Variants in LRFN2 observed in about 807,000 individuals in gnomAD.
The protein encoded by LRFN2 is leucine rich repeat and fibronectin type III domain containing 2, also known as leucine-rich repeat and fibronectin type-III domain-containing protein 2.
LRFN2 carries 18 observed loss-of-function variants against 37.3 expected under a neutral mutation model. That is an observed-to-expected ratio of 0.48 (90% CI 0.33 to 0.72). The LOEUF is 0.72. Ranked by LOEUF, LRFN2 falls within the 30% of genes least tolerant of loss-of-function variation. LRFN2 has a pLI of 0.02. For missense variants in LRFN2, 1,006 were observed against 1,060.7 expected (o/e 0.95, Z 0.72); for synonymous variants, 556 against 466.6 (o/e 1.19, Z -2.47).
chr6:40,520,667 T>G (rs1035601068), intron 1 of LRFN2, among the ~76,000 whole-genome samples: 3 of 152,050 alleles, frequency 2.0e-5, no homozygotes, highest in Middle Eastern at 3.4e-3. Context: ...GCTGACACAG[T>G]GGTGCCAGCA....
chr6:40,405,523 T>C (rs929373288), intron 2 of LRFN2, among the ~76,000 whole-genome samples: 1 of 152,130 alleles, frequency 6.6e-6, no homozygotes, highest in African/African-American at 2.4e-5. Flanking sequence ...TGAGGGTCTG[T>C]TACATAAAGG....
At chr6:40,507,115 G>A (rs1765565130) in intron 1 of LRFN2, among the ~76,000 whole-genome samples, 1 of 152,338 alleles carries the variant, frequency 6.6e-6, no homozygotes, top group East Asian at 1.9e-4. Context: ...GCCCTTGGAT[G>A]TGGAGTCAGG....
At chr6:40,516,152 A>G (rs1765865733) in intron 1 of LRFN2, among the ~76,000 whole-genome samples, 1 of 152,094 alleles carries the variant, frequency 6.6e-6, no homozygotes, top group South Asian at 2.1e-4. Context: ...CTCTGGTCTC[A>G]GAGCCTGCTT....
At chr6:40,544,446 T>G (rs1490859770) in intron 1 of LRFN2, among the ~76,000 whole-genome samples, 2 of 152,232 alleles carry the variant, frequency 1.3e-5, no homozygotes, top group African/African-American at 4.8e-5. Context: ...TCAGTGGATT[T>G]GAGTAAACAG....
intron 1 of LRFN2, among the ~76,000 whole-genome samples, chr6:40,478,301 A>C (rs116050635): frequency 1.4e-4 from 21 of 152,298 alleles, no homozygotes; most frequent in African/African-American, 4.6e-4. Context: ...CCATTTTACA[A>C]ATTACAAATA....
intron 1 of LRFN2, among the ~76,000 whole-genome samples, chr6:40,519,043 T>G (rs1447728720): frequency 6.6e-6 from 1 of 152,110 alleles, no homozygotes; most frequent in Non-Finnish European, 1.5e-5. Flanking sequence ...CCAGGGGTGC[T>G]AACCATAGGA....
chr6:40,586,236 A>T (rs969151672), intron 1 of LRFN2, among the ~76,000 whole-genome samples: 1 of 152,104 alleles, frequency 6.6e-6, no homozygotes, highest in African/African-American at 2.4e-5. Flanking sequence ...GCCCAGGCCA[A>T]CCTTAGAACC....
intron 1 of LRFN2, among the ~76,000 whole-genome samples, chr6:40,435,048 TATATAGAGAGAGAGAGAGAG>T (rs1316441214): frequency 1.5e-4 from 11 of 71,160 alleles, no homozygotes; most frequent in African/African-American, 6.1e-4. Flanking sequence ...TATATATATA[TATATAGAGAGAGAGAGAGAG>T]AGAGAGAGAG....
At chr6:40,535,337 G>A (rs907803010) in intron 1 of LRFN2, among the ~76,000 whole-genome samples, 1 of 152,210 alleles carries the variant, frequency 6.6e-6, no homozygotes, top group Non-Finnish European at 1.5e-5. Flanking sequence ...CTCATCCTGA[G>A]TTAGGCAGGC....
chr6:40,458,508 G>T (rs975771923), intron 1 of LRFN2, among the ~76,000 whole-genome samples: 1 of 152,184 alleles, frequency 6.6e-6, no homozygotes, highest in African/African-American at 2.4e-5. Context: ...ATGTTGACGG[G>T]TGATAGTCCA....
intron 1 of LRFN2, among the ~76,000 whole-genome samples, chr6:40,562,824 C>T (rs888927913): frequency 1.3e-4 from 19 of 141,326 alleles, no homozygotes; most frequent in African/African-American, 3.3e-4. Context: ...TGCTTATGTG[C>T]GTGCACTCAC....
At chr6:40,574,946 C>T (rs1476266081) in intron 1 of LRFN2, among the ~76,000 whole-genome samples, 7 of 152,166 alleles carry the variant, frequency 4.6e-5, no homozygotes, top group South Asian at 4.1e-4. Context: ...AAACACACTT[C>T]GCCATGAGTG....
At chr6:40,476,696 C>A (rs1764715128) in intron 1 of LRFN2, among the ~76,000 whole-genome samples, 1 of 152,266 alleles carries the variant, frequency 6.6e-6, no homozygotes, top group Non-Finnish European at 1.5e-5. Context: ...TAATTCCCAG[C>A]ATAGGCTCCA....
intron 1 of LRFN2, among the ~76,000 whole-genome samples, chr6:40,557,382 A>G (rs1766910166): frequency 6.6e-6 from 1 of 152,178 alleles, no homozygotes; most frequent in South Asian, 2.1e-4. Flanking sequence ...TGGGGCAACC[A>G]TGGTGGTAAT....
intron 2 of LRFN2, among the ~76,000 whole-genome samples, chr6:40,398,888 C>T (rs1276784095): frequency 6.6e-6 from 1 of 151,822 alleles, no homozygotes. Flanking sequence ...TACTAGAGGT[C>T]TATGAAATCA....
intron 1 of LRFN2, among the ~76,000 whole-genome samples, chr6:40,515,958 T>C (rs1244900477): frequency 6.6e-6 from 1 of 151,210 alleles, no homozygotes; most frequent in Non-Finnish European, 1.5e-5. Context: ...TAAATACCCC[T>C]GCTCACTCAC....
intron 1 of LRFN2, among the ~76,000 whole-genome samples, chr6:40,568,390 C>T (rs999242368): frequency 8.5e-5 from 13 of 152,182 alleles, no homozygotes; most frequent in African/African-American, 3.1e-4. Flanking sequence ...GAGACAGCAG[C>T]TTCTCTGCAT....
intron 2 of LRFN2, among the ~76,000 whole-genome samples, chr6:40,417,790 C>T (rs575503850): frequency 7.9e-4 from 120 of 152,254 alleles, no homozygotes; most frequent in African/African-American, 2.7e-3. Flanking sequence ...CACTCACAGG[C>T]GCACACCCTA....
intron 2 of LRFN2, among the ~76,000 whole-genome samples, chr6:40,416,971 C>G (rs1460303532): frequency 6.6e-6 from 1 of 152,192 alleles, no homozygotes; most frequent in Non-Finnish European, 1.5e-5. Context: ...TGGGTCTAAA[C>G]CTGGGCGCTC....
Sources: allele counts gnomAD v4.1 joint callset (sites outside exome capture counted in the v4.1 genomes callset), GRCh38; gene constraint gnomAD v4.1.1; transcripts MANE v1.5; gene names NCBI Gene and HGNC (gene_info 2026-07-23, HGNC 2026-07-21).